The following CDH8 variants were observed in gnomAD, a reference collection of about 807,000 sequenced individuals.
CDH8 encodes the protein cadherin 8.
A neutral mutation model predicts 68.1 loss-of-function variants in CDH8; 17 were observed. The ratio of observed to expected loss-of-function variants is 0.25; its 90% CI spans 0.17 to 0.37. CDH8 has a LOEUF of 0.37. CDH8 is among the 10% of genes least tolerant of loss of function. The probability of loss-of-function intolerance (pLI) is 1.00; values close to 1 mark genes in which losing one functional copy is unlikely to be tolerated. For synonymous variants in CDH8, 372 were observed against 365.1 expected (o/e 1.02, Z -0.21); for missense variants, 763 against 999.3 (o/e 0.76, Z 3.19).
intron 2 of CDH8, among the ~76,000 whole-genome samples, chr16:61,942,560 A>G (rs1373830551): frequency 6.6e-6 from 1 of 152,250 alleles, no homozygotes; most frequent in Middle Eastern, 3.4e-3. Flanking sequence ...TAAGCTCATT[A>G]TCTTGATTCA....
intron 10 of CDH8, among the ~76,000 whole-genome samples, chr16:61,681,949 G>A (rs1964019986): frequency 6.6e-6 from 1 of 151,790 alleles, no homozygotes; most frequent in African/African-American, 2.4e-5. Flanking sequence ...CTTTGCAAAG[G>A]CTCTAAAAAC....
chr16:61,794,504 G>T (rs1221961503), intron 7 of CDH8, among the ~76,000 whole-genome samples: 1 of 151,998 alleles, frequency 6.6e-6, no homozygotes, highest in East Asian at 1.9e-4. Flanking sequence ...AACAGCTTTA[G>T]TGTCAGCATT....
intron 7 of CDH8, among the ~76,000 whole-genome samples, chr16:61,796,791 G>A (rs1961511895): frequency 6.6e-6 from 1 of 151,926 alleles, no homozygotes; most frequent in African/African-American, 2.4e-5. Context: ...GTTCAAAGAC[G>A]ATAATTTAAT....
intron 2 of CDH8, among the ~76,000 whole-genome samples, chr16:62,009,541 T>C (rs987716172): frequency 2.0e-5 from 3 of 152,202 alleles, no homozygotes; most frequent in Non-Finnish European, 4.4e-5. Flanking sequence ...TTCTTTTAAT[T>C]CCTGTCTATG....
intron 10 of CDH8, among the ~76,000 whole-genome samples, chr16:61,690,240 G>T (rs1197349677): frequency 6.6e-6 from 1 of 152,038 alleles, no homozygotes; most frequent in African/African-American, 2.4e-5. Flanking sequence ...TCTAAAGATA[G>T]ATTCTAAAGG....
chr16:61,685,543 T>C (rs1285371035), intron 10 of CDH8, among the ~76,000 whole-genome samples: 2 of 152,094 alleles, frequency 1.3e-5, no homozygotes, highest in East Asian at 3.9e-4. Context: ...AAGTTTTGTA[T>C]AGTTTCTATA....
intron 10 of CDH8, among the ~76,000 whole-genome samples, chr16:61,660,760 T>C (rs1348372516): frequency 6.6e-6 from 1 of 152,022 alleles, no homozygotes; most frequent in Admixed American, 6.6e-5. Context: ...GGACGTGGGA[T>C]AACATATTCA....
At chr16:61,717,785 A>G (rs1192167651) in intron 9 of CDH8, among the ~76,000 whole-genome samples, 2 of 151,472 alleles carry the variant, frequency 1.3e-5, no homozygotes, top group Non-Finnish European at 3.0e-5. Flanking sequence ...GCACATGGCA[A>G]CTATTTAATA....
chr16:61,673,493 A>T (rs8056841), intron 10 of CDH8, among the ~76,000 whole-genome samples: 5,062 of 152,172 alleles, frequency 0.033, 286 homozygotes, highest in African/African-American at 0.12. Context: ...TCCCCTTCCA[A>T]ATTCCATGAT....
At chr16:61,849,734 C>T (rs554525201) in intron 4 of CDH8, among the ~76,000 whole-genome samples, 12 of 152,220 alleles carry the variant, frequency 7.9e-5, no homozygotes, top group Admixed American at 2.0e-4. Flanking sequence ...CTTTCAACTC[C>T]AAATCCAGCA....
Position 61,810,793 on chromosome 16 carries a change from G to A in CDH8, c.1277+6686C>T, listed in dbSNP as rs114659670. 8.0e-3 allele frequency among the ~76,000 whole-genome samples: 1,223 copies of A among 152,140 alleles called. 19 individuals carry two copies. Among genetic ancestry groups the A allele is most frequent in the African/African-American group, 0.028 (1,148 of 41,484 alleles). On this transcript the variant is annotated intron_variant, in intron 7 of 11. Transcript: ENST00000577390. The stretch of plus-strand genomic sequence containing the variant: ...AATCCAAGAACTTTGGGAGGCCGAG[G>A]GGGGCGGATCAGAAGGTTAGGAGTT...
intron 2 of CDH8, among the ~76,000 whole-genome samples, chr16:61,988,028 A>C (rs1965656805): frequency 6.6e-6 from 1 of 152,158 alleles, no homozygotes; most frequent in African/African-American, 2.4e-5. Context: ...TGACCAATTT[A>C]TATTTACTCT....
rs573296692 is a variant in CDH8 at position 61,965,991 on chromosome 16, G to A, written c.252+55161C>T. 2.6e-5 allele frequency among the ~76,000 whole-genome samples: 4 copies of A among 152,206 alleles called. No homozygotes were observed. The East Asian group carries it at 7.7e-4, about 29-fold the overall frequency. On this transcript the variant is annotated intron_variant, in intron 2 of 11. Transcript: ENST00000577390. ...ATCAAAAATGTGACACTATTAAAGG[G>A]TTAGCAAAATTGGCTTGCTAGGATG...
intron 3 of CDH8, among the ~76,000 whole-genome samples, chr16:61,886,307 T>C (rs931421026): frequency 6.6e-6 from 1 of 152,108 alleles, no homozygotes; most frequent in African/African-American, 2.4e-5. Context: ...AAAAAAAAAC[T>C]GCATATAATC....
Position 61,901,394 on chromosome 16 carries a change from A to C in CDH8, c.332T>G (p.Ile111Arg). 1.9e-6 allele frequency: 3 copies of C among 1,613,834 alleles called. No individual in the cohort carries two copies. The highest frequency in any genetic ancestry group is 2.5e-6 in the Non-Finnish European group (3 of 1,179,834). The change falls in exon 3 of 12, where the codon ATA becomes AGA. Residue 111 changes from isoleucine to arginine, a missense_variant. Physicochemically the swap from Ile to Arg is moderately conservative, Grantham distance 97 (BLOSUM62 -3). Transcript: ENST00000577390. The part of the protein sequence containing the change: ...SGDGAGTIFQ[I>R]NDVTGDIHAI... Reference sequence around the variant, plus strand: ...ATGGATATCTCCAGTTACATCATTTATTTGAAATATGGTCCCAGCTCCATC... The same window carrying C: ...ATGGATATCTCCAGTTACATCATTTCTTTGAAATATGGTCCCAGCTCCATC...
chr16:61,923,171 T>A (rs1190659075), intron 2 of CDH8, among the ~76,000 whole-genome samples: 3 of 152,200 alleles, frequency 2.0e-5, no homozygotes, highest in African/African-American at 7.2e-5. Flanking sequence ...TCTTATACGT[T>A]GCTTCATTTG....
At chr16:61,732,078 T>C (rs1158691412) in intron 8 of CDH8, among the ~76,000 whole-genome samples, 1 of 149,068 alleles carries the variant, frequency 6.7e-6, no homozygotes, top group Non-Finnish European at 1.5e-5. Context: ...GAACAGCAGT[T>C]AAAAAAAAAT....
chr16:61,663,286 T>C (rs1182146509), intron 10 of CDH8, among the ~76,000 whole-genome samples: 1 of 152,078 alleles, frequency 6.6e-6, no homozygotes, highest in East Asian at 1.9e-4. Context: ...AACAGATTGA[T>C]TATGAACAAA....
chr16:61,750,401 T>C (rs1350198159), intron 8 of CDH8, among the ~76,000 whole-genome samples: 1 of 152,126 alleles, frequency 6.6e-6, no homozygotes, highest in African/African-American at 2.4e-5. Context: ...ATCACTAAAT[T>C]AAAACAAACA....
Sources: gnomAD v4.1 joint callset for allele counts (sites outside exome capture counted in the v4.1 genomes callset) on GRCh38, gnomAD v4.1.1 for gene constraint, MANE v1.5 for transcripts, NCBI Gene and HGNC (gene_info 2026-07-23, HGNC 2026-07-21) for gene names.